The following ACSM3 variants were observed in gnomAD, a reference collection of about 807,000 sequenced individuals.
ACSM3 encodes acyl-coenzyme A synthetase ACSM3, mitochondrial.
In ACSM3, 61 loss-of-function variants were observed where a neutral mutation model predicts 74.1. The ratio of observed to expected loss-of-function variants is 0.82; its 90% CI spans 0.67 to 1.02. The LOEUF (loss-of-function observed/expected upper bound fraction) is 1.02, where lower values mean the gene tolerates loss of function less well. Among genes scored for constraint, ACSM3 ranks in the 50% least tolerant of loss-of-function variants. The pLI, the probability that ACSM3 is intolerant of heterozygous loss-of-function variation, is 0.00. For synonymous variants in ACSM3, 213 were observed against 241.5 expected (o/e 0.88, Z 1.09); for missense variants, 660 against 697.0 (o/e 0.95, Z 0.60).
At chr16:20,734,807 T>C (rs1202335328) in intron 1 of ACSM3, 1 of 152,204 alleles carries the variant, frequency 6.6e-6, no homozygotes, top group African/African-American at 2.4e-5. Context: ...AGTTGAAGAA[T>C]ACTCTTATTT....
At chr16:20,709,788 T>C (rs1266125722) in intron 1 of ACSM3, among the ~76,000 whole-genome samples, 2 of 152,264 alleles carry the variant, frequency 1.3e-5, no homozygotes, top group African/African-American at 2.4e-5. Flanking sequence ...TTTCCCTTTT[T>C]AGCTAACTTC....
intron 1 of ACSM3, among the ~76,000 whole-genome samples, chr16:20,685,591 G>C (rs1364404424): frequency 1.3e-5 from 2 of 151,958 alleles, no homozygotes; most frequent in Non-Finnish European, 2.9e-5. Flanking sequence ...GGAGGTGGAG[G>C]CAGGTTGATC....
intron 1 of ACSM3, among the ~76,000 whole-genome samples, chr16:20,676,625 A>G (rs182378268): frequency 6.6e-6 from 1 of 152,162 alleles, no homozygotes; most frequent in Middle Eastern, 3.2e-3. Flanking sequence ...AAAGCTGATC[A>G]GAGGCTTAAC....
intron 1 of ACSM3, chr16:20,737,898 C>G (rs1342427386): frequency 6.2e-7 from 1 of 1,613,564 alleles, no homozygotes; most frequent in East Asian, 2.2e-5. Context: ...TAACTCGAGT[C>G]TTCTTTTTCT....
At chr16:20,795,278 C>A (rs1024095037) in intron 12 of ACSM3, among the ~76,000 whole-genome samples, 3 of 152,186 alleles carry the variant, frequency 2.0e-5, no homozygotes, top group African/African-American at 7.2e-5. Context: ...ACCTCGGCCT[C>A]CCAAATGTTG....
upstream of ACSM3, among the ~76,000 whole-genome samples, chr16:20,759,508 C>T (rs1329705331): frequency 3.4e-5 from 5 of 147,672 alleles, no homozygotes; most frequent in African/African-American, 7.5e-5. Flanking sequence ...TGCAGTGAGC[C>T]GAGATCACGC....
chr16:20,713,921 C>CA (rs1051587724), intron 1 of ACSM3, among the ~76,000 whole-genome samples: 4 of 152,126 alleles, frequency 2.6e-5, no homozygotes, highest in African/African-American at 9.7e-5. Flanking sequence ...GAAGACTACA[C>CA]ACGGCAATAA....
chr16:20,792,313 G>A lies in ACSM3; in HGVS notation c.1532G>A (p.Ser511Asn). Residue 511 changes from serine to asparagine, a missense_variant, in exon 12 of 14, where the codon AGC (serine) becomes AAC (asparagine). Coordinates refer to ENST00000289416, the MANE Select transcript of ACSM3 (RefSeq NM_005622.4). ...GTTGCAGAGTCAGCTGTTGTCAGCA[G>A]CCCAGACCCCATCAGAGGAGAGGTA... Reference protein sequence around the residue: ...PSVAESAVVSSPDPIRGEVVK... With the variant: ...PSVAESAVVSNPDPIRGEVVK... 1 of 1,614,046 alleles carries A rather than the reference G, an allele frequency of 6.2e-7. No individual in the cohort carries two copies. Among genetic ancestry groups the A allele is most frequent in the Non-Finnish European group, 8.5e-7 (1 of 1,179,932 alleles).
intron 1 of ACSM3, among the ~76,000 whole-genome samples, chr16:20,687,387 G>A (rs2079572833): frequency 1.3e-5 from 2 of 152,096 alleles, no homozygotes; most frequent in Admixed American, 6.6e-5. Context: ...GAGGTGGGGC[G>A]GGATGCACAC....
intron 1 of ACSM3, among the ~76,000 whole-genome samples, chr16:20,724,662 G>A (rs532930194): frequency 4.6e-5 from 7 of 152,268 alleles, no homozygotes; most frequent in African/African-American, 9.6e-5. Flanking sequence ...TCCTTAAGCT[G>A]ATAAGCAACT....
chr16:20,741,945 T>C (rs1483925434), intron 1 of ACSM3: 5 of 1,531,798 alleles, frequency 3.3e-6, no homozygotes, highest in East Asian at 2.5e-5. Flanking sequence ...CCCCGCCTCC[T>C]GCCCCGCCTC....
At chr16:20,773,516 CTG>C (rs920868461) in intron 2 of ACSM3, among the ~76,000 whole-genome samples, 1 of 152,060 alleles carries the variant, frequency 6.6e-6, no homozygotes, top group Non-Finnish European at 1.5e-5. Flanking sequence ...CTTCTTAACA[CTG>C]TGTTTGCTTT....
intron 1 of ACSM3, among the ~76,000 whole-genome samples, chr16:20,742,577 C>T (rs2079936597): frequency 6.7e-6 from 1 of 148,718 alleles, no homozygotes; most frequent in African/African-American, 2.5e-5. Context: ...CGGGAAGCGG[C>T]GGTTGCAGTA....
chr16:20,692,419 T>C (rs554256705), intron 1 of ACSM3, among the ~76,000 whole-genome samples: 118 of 152,294 alleles, frequency 7.7e-4, no homozygotes, highest in Non-Finnish European at 1.3e-3. Context: ...GGCTGACAAT[T>C]GGGTGAGTTT....
At chr16:20,756,419 G>A (rs34670153) in intron 3 of ACSM3, among the ~76,000 whole-genome samples, 20,150 of 151,672 alleles carry the variant, frequency 0.13, 1,390 homozygotes, top group East Asian at 0.21. Context: ...TCTTTTGGCT[G>A]CATAAATGTC....
intron 1 of ACSM3, among the ~76,000 whole-genome samples, chr16:20,690,251 G>A (rs577407433): frequency 6.6e-6 from 1 of 152,284 alleles, no homozygotes; most frequent in South Asian, 2.1e-4. Context: ...AGACAGTGCT[G>A]GGTGACTTTT....
intron 1 of ACSM3, chr16:20,737,321 G>C: frequency 6.4e-7 from 1 of 1,566,428 alleles, no homozygotes; most frequent in Non-Finnish European, 8.6e-7. Context: ...TAGCTGAGGA[G>C]GATACCATTA....
At chr16:20,682,343 A>G in intron 1 of ACSM3, 1 of 1,614,060 alleles carries the variant, frequency 6.2e-7, no homozygotes, top group Non-Finnish European at 8.5e-7. Flanking sequence ...CTGAGAAGCT[A>G]TGGAGTCCAC....
At chr16:20,682,104 G>A in intron 1 of ACSM3, 1 of 706,054 alleles carries the variant, frequency 1.4e-6, no homozygotes, top group East Asian at 2.8e-5. Flanking sequence ...CTGACTCTTT[G>A]TTCAGGGCTC....
Sources: allele counts gnomAD v4.1 joint callset (sites outside exome capture counted in the v4.1 genomes callset), GRCh38; gene constraint gnomAD v4.1.1; transcripts MANE v1.5; gene names NCBI Gene and HGNC (gene_info 2026-07-23, HGNC 2026-07-21).